The following DIP2C variants were observed in gnomAD, a reference collection of about 807,000 sequenced individuals.
DIP2C encodes DIP2 acetate--CoA ligase C (putative).
A neutral mutation model predicts 192.4 loss-of-function variants in DIP2C; 33 were observed. The ratio of observed to expected loss-of-function variants is 0.17; its 90% CI spans 0.13 to 0.23. DIP2C has a LOEUF of 0.23. Among genes scored for constraint, DIP2C ranks in the 10% least tolerant of loss-of-function variants. The pLI is 1.00. For missense variants in DIP2C, 1,537 were observed against 2,110.1 expected, an observed-to-expected ratio of 0.73 and a Z score of 5.32; for synonymous variants, 979 against 864.1, an observed-to-expected ratio of 1.13 and a Z score of -2.33.
chr10:486,645 A>G, intron 1 of DIP2C, 115 bp from the exon 2 acceptor site: 1 of 870,440 alleles, frequency 1.1e-6, no homozygotes, highest in Non-Finnish European at 1.7e-6. Context: ...TCATTGTTAG[A>G]ATTTTAAAAG....
chr10:435,480 T>A (rs1479959441), intron 4 of DIP2C, among the ~76,000 whole-genome samples: 1 of 152,238 alleles, frequency 6.6e-6, no homozygotes, highest in Admixed American at 6.5e-5. Context: ...ACTCTCAGAC[T>A]TGGCCACAAC....
rs1848985342 is a variant in DIP2C at position 557,855 on chromosome 10, G to C, written c.86-71325C>G. Among the ~76,000 whole-genome samples the C allele has an allele frequency of 1.9e-5, 2 of 106,882 alleles. 1 individual carries two copies. Among genetic ancestry groups the C allele is most frequent in the South Asian group, 1.1e-3 (2 of 1,858 alleles). The allele number at this position is 106,882 out of a possible 152,430, so 70.1% of individuals were successfully genotyped here. On this transcript the variant is annotated intron_variant, in intron 1 of 36. Coordinates refer to ENST00000280886, the MANE Select transcript of DIP2C (RefSeq NM_014974.3). ...GCAGGCAGGCAGGCAGGAAGGGGGA[G>C]GGGGCAGGGGCAGGCAGGCAGGCAG...
chr10:595,667 G>A (rs760427755), intron 1 of DIP2C, among the ~76,000 whole-genome samples: 9 of 152,178 alleles, frequency 5.9e-5, no homozygotes, highest in African/African-American at 9.7e-5. Context: ...AGGACACCCC[G>A]GGTTTACCGA....
chr10:416,530 G>A (rs901144278), intron 6 of DIP2C, among the ~76,000 whole-genome samples: 1 of 152,100 alleles, frequency 6.6e-6, no homozygotes, highest in Non-Finnish European at 1.5e-5. Flanking sequence ...CTAAAGCACA[G>A]AAGTTAAAGT....
rs1173705246 is a variant in DIP2C at position 344,329 on chromosome 10, G to A, written c.3453+480C>T. Among the ~76,000 whole-genome samples the A allele has an allele frequency of 2.8e-5, 4 of 140,958 alleles. No homozygotes were observed. The South Asian group carries it at 7.2e-4, about 25-fold the overall frequency. 92.5% of individuals were successfully genotyped at this position (140,958 alleles called of 152,430 possible). ...TGTGCGAGGTAAAGCCAGCTCACCC[G>A]TCAGACCCACAGATGGGGGCAGACG... On this transcript the variant is annotated intron_variant, in intron 28 of 36. Coordinates refer to ENST00000280886, the MANE Select transcript of DIP2C (RefSeq NM_014974.3).
intron 1 of DIP2C, among the ~76,000 whole-genome samples, chr10:648,979 G>A (rs1222190716): frequency 6.7e-6 from 1 of 149,668 alleles, no homozygotes; most frequent in Non-Finnish European, 1.5e-5. Context: ...GATGGTGGGA[G>A]ACAACAGAGG....
chr10:473,259 A>G (rs1456610077), intron 2 of DIP2C, among the ~76,000 whole-genome samples: 1 of 152,272 alleles, frequency 6.6e-6, no homozygotes, highest in Admixed American at 6.5e-5. Context: ...GGCAAGGAAC[A>G]CAACTAGACA....
intron 6 of DIP2C, among the ~76,000 whole-genome samples, chr10:417,240 C>T (rs1490120099): frequency 6.6e-6 from 1 of 152,110 alleles, no homozygotes; most frequent in Non-Finnish European, 1.5e-5. Flanking sequence ...CTCATGACGT[C>T]TGGGGTGTGA....
In DIP2C at chr10:274,812, T is replaced by C. The variant is rs939478422; in HGVS notation, c.*2513A>G. ...TGTACCCTCTTTTTGTGCAAGTTGA[T>C]TACACGGTTTTGTCTGACTTCAAAA... On this transcript the variant is annotated 3_prime_UTR_variant, in exon 37 of 37. Transcript: ENST00000280886. 6.6e-6 allele frequency: 1 copy of C among 152,220 alleles called. No homozygotes were observed. Among genetic ancestry groups the C allele is most frequent in the African/African-American group, 2.4e-5 (1 of 41,450 alleles). The allele number at this position is 152,220 out of a possible 1,614,324, so 9.4% of individuals were successfully genotyped here.
intron 16 of DIP2C, among the ~76,000 whole-genome samples, chr10:383,225 T>C (rs1589666559): frequency 1.3e-5 from 2 of 152,260 alleles, no homozygotes; most frequent in East Asian, 3.8e-4. Context: ...AAACCAATTG[T>C]TCATTAAATT....
At position 384,151 on chromosome 10, in the gene DIP2C, A is replaced by G. The variant is rs2132896982; in HGVS notation, c.1757-5T>C. 1.9e-6 allele frequency: 3 copies of G among 1,610,174 alleles called. No individual in the cohort carries two copies. Among genetic ancestry groups the G allele is most frequent in the Non-Finnish European group, 2.5e-6 (3 of 1,179,210 alleles). On this transcript the variant is annotated splice_region_variant and splice_polypyrimidine_tract_variant and intron_variant, in intron 15 of 36. Transcript: ENST00000280886. ...ATTTCACACACGCCACTTTTGCTAA[A>G]AAGAAAAATAGAAATAAGTTAACAT...
rs775346741 is a variant in DIP2C, at chr10:288,415, G to C, written c.3993C>G (p.Arg1331=). 5 of 1,613,864 alleles carry C rather than the reference G, an allele frequency of 3.1e-6. No individual in the cohort carries two copies. Among genetic ancestry groups the C allele is most frequent in the Admixed American group, 1.7e-5 (1 of 59,984 alleles). ...TATGAGGGGATCCTCTTTCCACTAA[G>C]CGGACTCTGCAAACAGAAAGAGAAA... ...DMRALRHDRV[R]LVERGSPHSL... is the part of the protein sequence containing the mutation. The change falls in exon 33 of 37, where the codon CGC becomes CGG. Residue 1331 remains arginine (R), a synonymous_variant. Coordinates refer to ENST00000280886, the MANE Select transcript of DIP2C (RefSeq NM_014974.3).
chr10:398,381 T>G (rs1010709979), intron 10 of DIP2C, among the ~76,000 whole-genome samples: 1 of 152,230 alleles, frequency 6.6e-6, no homozygotes, highest in African/African-American at 2.4e-5. Flanking sequence ...TCAGAAAATC[T>G]TAGAATCCAC....
chr10:327,574 T>C (rs1352840419), intron 30 of DIP2C, among the ~76,000 whole-genome samples: 1 of 152,122 alleles, frequency 6.6e-6, no homozygotes, highest in Non-Finnish European at 1.5e-5. Flanking sequence ...AAAATCTACA[T>C]GTAAAAGAGA....
At chr10:558,336 G>A (rs1849018832) in intron 1 of DIP2C, among the ~76,000 whole-genome samples, 4 of 152,210 alleles carry the variant, frequency 2.6e-5, no homozygotes, top group Admixed American at 2.6e-4. Flanking sequence ...ACCAGGATGG[G>A]AGGACTCGAG....
At chr10:500,986 AG>A (rs1233072571) in intron 1 of DIP2C, among the ~76,000 whole-genome samples, 3 of 152,194 alleles carry the variant, frequency 2.0e-5, no homozygotes, top group Non-Finnish European at 2.9e-5. Context: ...TGGAGAGCGG[AG>A]GGGGCAAATG....
intron 1 of DIP2C, among the ~76,000 whole-genome samples, chr10:662,622 T>A (rs1856828622): frequency 6.6e-6 from 1 of 152,260 alleles, no homozygotes; most frequent in South Asian, 2.1e-4. Context: ...CTAAGATGGA[T>A]GCCTTTCAAA....
intron 1 of DIP2C, among the ~76,000 whole-genome samples, chr10:567,910 G>A (rs1849545314): frequency 6.6e-6 from 1 of 152,250 alleles, no homozygotes; most frequent in Non-Finnish European, 1.5e-5. Flanking sequence ...GATTATAGGT[G>A]TGAGCAATCG....
chr10:558,429 C>T (rs749704709), intron 1 of DIP2C, among the ~76,000 whole-genome samples: 2 of 152,138 alleles, frequency 1.3e-5, no homozygotes, highest in Non-Finnish European at 2.9e-5. Context: ...TTCAGAAATG[C>T]GTAAAGGAAG....
Sources: allele counts gnomAD v4.1 joint callset (sites outside exome capture counted in the v4.1 genomes callset), GRCh38; gene constraint gnomAD v4.1.1; transcripts MANE v1.5; gene names NCBI Gene and HGNC (gene_info 2026-07-23, HGNC 2026-07-21).